Variants in ANKRD31 observed in about 807,000 individuals in gnomAD.
ANKRD31 encodes the protein ankyrin repeat domain-containing protein 31.
ANKRD31 carries 147 observed loss-of-function variants against 186.0 expected under a neutral mutation model. The ratio of observed to expected loss-of-function variants is 0.79; its 90% confidence interval spans 0.69 to 0.91. ANKRD31 has a LOEUF of 0.91. Among genes scored for constraint, ANKRD31 ranks in the 40% least tolerant of loss-of-function variants. ANKRD31 has a pLI of 0.00. For missense variants in ANKRD31, 1,986 were observed against 2,148.8 expected, an observed-to-expected ratio of 0.92 and a Z score of 1.50; for synonymous variants, 673 against 736.4, an observed-to-expected ratio of 0.91 and a Z score of 1.39.
intron 2 of ANKRD31, among the ~76,000 whole-genome samples, chr5:75,229,864 C>CAAAAAAA (rs1210080751): frequency 7.9e-5 from 3 of 37,826 alleles, no homozygotes; most frequent in African/African-American, 3.4e-4. Flanking sequence ...GACTCTGTCT[C>CAAAAAAA]AAAAAAAAAA....
chr5:75,224,186 T>TATATGTATATATATATATA (rs1757502195), intron 2 of ANKRD31, among the ~76,000 whole-genome samples: 1 of 137,228 alleles, frequency 7.3e-6, no homozygotes, highest in Non-Finnish European at 1.5e-5. Flanking sequence ...TATACACACA[T>TATATGTATATATATATATA]TTCTTCCATT....
intron 22 of ANKRD31, among the ~76,000 whole-genome samples, chr5:75,100,829 G>C (rs1746795291): frequency 6.6e-6 from 1 of 152,158 alleles, no homozygotes; most frequent in Non-Finnish European, 1.5e-5. Flanking sequence ...CTGCACATCA[G>C]ATGGGTCTCC....
chr5:75,165,456 A>G (rs1036202010), intron 11 of ANKRD31, among the ~76,000 whole-genome samples: 6 of 152,226 alleles, frequency 3.9e-5, no homozygotes, highest in Non-Finnish European at 8.8e-5. Flanking sequence ...GCTTAAAAAA[A>G]GACATACGAG....
At chr5:75,170,503 T>C (rs1753236637) in intron 10 of ANKRD31, among the ~76,000 whole-genome samples, 1 of 152,184 alleles carries the variant, frequency 6.6e-6, no homozygotes, top group Non-Finnish European at 1.5e-5. Flanking sequence ...ACATAGTTTA[T>C]TTTTGTTCCA....
intron 23 of ANKRD31, among the ~76,000 whole-genome samples, chr5:75,088,841 C>T (rs964807380): frequency 6.6e-6 from 1 of 152,180 alleles, no homozygotes; most frequent in African/African-American, 2.4e-5. Flanking sequence ...ATAAATCAAA[C>T]AGTGCTATTC....
At chr5:75,189,243 C>T (rs1418706100) in intron 9 of ANKRD31, among the ~76,000 whole-genome samples, 2 of 152,166 alleles carry the variant, frequency 1.3e-5, no homozygotes, top group Non-Finnish European at 2.9e-5. Flanking sequence ...GATTAAAATA[C>T]TTTTCCAGAT....
chr5:75,217,367 G>C (rs962456537), intron 3 of ANKRD31, among the ~76,000 whole-genome samples: 1 of 152,066 alleles, frequency 6.6e-6, no homozygotes, highest in African/African-American at 2.4e-5. Flanking sequence ...TCTCTTCTTA[G>C]GTCTCTAAGA....
intron 25 of ANKRD31, among the ~76,000 whole-genome samples, chr5:75,079,253 G>A (rs1214481290): frequency 6.6e-6 from 1 of 152,172 alleles, no homozygotes; most frequent in Non-Finnish European, 1.5e-5. Flanking sequence ...GGATTTTCTT[G>A]ATACCATGTA....
chr5:75,196,756 C>T (rs1257700182), intron 6 of ANKRD31, among the ~76,000 whole-genome samples: 2 of 152,066 alleles, frequency 1.3e-5, no homozygotes, highest in Non-Finnish European at 2.9e-5. Flanking sequence ...CAAGCCCTAG[C>T]TGTGAATGAA....
intron 10 of ANKRD31, among the ~76,000 whole-genome samples, chr5:75,180,124 C>T (rs1754169990): frequency 6.6e-6 from 1 of 152,178 alleles, no homozygotes; most frequent in Middle Eastern, 3.4e-3. Flanking sequence ...GAGTGAACTC[C>T]CATTCAAAAT....
rs961624946 is a variant in ANKRD31 at position 75,109,829 on chromosome 5, G to GA, written c.4244-2213dup. Among the ~76,000 whole-genome samples the GA allele has an allele frequency of 7.5e-4, 111 of 148,390 alleles. 1 individual carries two copies. Among genetic ancestry groups the GA allele is most frequent in the African/African-American group, 2.3e-3 (92 of 40,604 alleles). ...AGAGTCTGTGTAGGATGGTCCATCAGAAAAAAAAAATAGAAGCTGAGAGAA... is the reference window on the plus strand; with the variant it reads ...AGAGTCTGTGTAGGATGGTCCATCAGAAAAAAAAAAATAGAAGCTGAGAGAA... On this transcript the variant is annotated intron_variant, in intron 20 of 25. Coordinates refer to ENST00000506364, the MANE Select transcript of ANKRD31 (RefSeq NM_001372053.1).
At chr5:75,098,085 C>T (rs1402078732) in intron 22 of ANKRD31, among the ~76,000 whole-genome samples, 13 of 151,708 alleles carry the variant, frequency 8.6e-5, no homozygotes, top group African/African-American at 2.4e-4. Context: ...AGTGCAGTGG[C>T]GCAATCTCGG....
chr5:75,192,772 G>A lies in ANKRD31; in HGVS notation c.1303C>T (p.Gln435Ter). The A allele has an allele frequency of 2.0e-6, 3 of 1,527,718 alleles. No homozygotes were observed. Among genetic ancestry groups the A allele is most frequent in the South Asian group, 1.2e-5 (1 of 81,838 alleles). The allele number at this position is 1,527,718 out of a possible 1,614,324, so 94.6% of individuals were successfully genotyped here. Residue 435 changes from glutamine (Q) to a stop codon, truncating the protein, a stop_gained, in exon 9 of 26, where the codon CAG (glutamine) becomes TAG (stop). Transcript: ENST00000506364. LOFTEE classifies it high-confidence loss of function. ...CCATCAATCATTAAAGCCGGATCCT[G>A]CATTCTTGAAAAACAACGTATTTTT... ...NNSSAQNFRM[Q>*]DPALMIDGKE...
intron 11 of ANKRD31, among the ~76,000 whole-genome samples, chr5:75,167,046 C>CT (rs745497224): frequency 1.6e-4 from 25 of 152,048 alleles, no homozygotes; most frequent in Non-Finnish European, 3.2e-4. Flanking sequence ...TTCATTCCCC[C>CT]TAAAAGAAAC....
At position 75,108,913 on chromosome 5, in the gene ANKRD31, A is replaced by T. The variant is rs578155108; in HGVS notation, c.4244-1296T>A. 2.0e-5 allele frequency among the ~76,000 whole-genome samples: 3 copies of T among 152,324 alleles called. No individual in the cohort carries two copies. In the South Asian group the frequency reaches 6.2e-4, roughly 32 times the overall value. On this transcript the variant is annotated intron_variant, in intron 20 of 25. Coordinates refer to ENST00000506364, the MANE Select transcript of ANKRD31 (RefSeq NM_001372053.1). Reference sequence around the variant, plus strand: ...ACTGAATTTTAAACCATAGGTAAAAATAACATACTATAGTAACTTAAAATA... The same window carrying T: ...ACTGAATTTTAAACCATAGGTAAAATTAACATACTATAGTAACTTAAAATA...
At chr5:75,116,136 A>G (rs1748225144) in intron 19 of ANKRD31, among the ~76,000 whole-genome samples, 1 of 151,146 alleles carries the variant, frequency 6.6e-6, no homozygotes, top group African/African-American at 2.4e-5. Flanking sequence ...GGAAATCATC[A>G]TTCTCAGTAA....
chr5:75,230,837 T>A (rs1039396001), intron 1 of ANKRD31, among the ~76,000 whole-genome samples: 2 of 152,214 alleles, frequency 1.3e-5, no homozygotes, highest in African/African-American at 4.8e-5. Flanking sequence ...ACTCATCATG[T>A]TAATTTTACA....
chr5:75,220,174 A>T (rs184234600), intron 3 of ANKRD31, among the ~76,000 whole-genome samples: 1 of 152,360 alleles, frequency 6.6e-6, no homozygotes, highest in Admixed American at 6.5e-5. Context: ...TCTGCACAGC[A>T]AAAGAAACTA....
intron 12 of ANKRD31, among the ~76,000 whole-genome samples, chr5:75,151,369 C>G (rs191536693): frequency 2.2e-4 from 34 of 152,114 alleles, no homozygotes; most frequent in Non-Finnish European, 4.1e-4. Context: ...CCCATAATCC[C>G]CATGTGTCAT....
Sources: gnomAD v4.1 joint callset for allele counts (sites outside exome capture counted in the v4.1 genomes callset) on GRCh38, gnomAD v4.1.1 for gene constraint, MANE v1.5 for transcripts, NCBI Gene and HGNC (gene_info 2026-07-23, HGNC 2026-07-21) for gene names.